Variants in CORIN observed in about 807,000 individuals in gnomAD.
The protein encoded by CORIN is atrial natriuretic peptide-converting enzyme.
CORIN carries 117 observed loss-of-function variants against 125.3 expected under a neutral mutation model. That is an observed-to-expected ratio of 0.93 (90% confidence interval 0.80 to 1.09). The LOEUF is 1.09. CORIN is among the 50% of genes least tolerant of loss of function. CORIN has a pLI of 0.00. For missense variants in CORIN, 1,253 were observed against 1,306.7 expected (o/e 0.96, Z 0.63); for synonymous variants, 450 against 466.4 (o/e 0.96, Z 0.45).
chr4:47,745,367 G>C (rs573561898), intron 4 of CORIN, among the ~76,000 whole-genome samples: 1 of 152,310 alleles, frequency 6.6e-6, no homozygotes, highest in Admixed American at 6.5e-5. Flanking sequence ...ACCCTGGCTG[G>C]TCAATTGCTA....
At chr4:47,784,752 C>T (rs1015727911) in intron 3 of CORIN, among the ~76,000 whole-genome samples, 2 of 152,158 alleles carry the variant, frequency 1.3e-5, no homozygotes, top group African/African-American at 4.8e-5. Flanking sequence ...AAAAATAAAA[C>T]CTCACAATTA....
intron 7 of CORIN, chr4:47,680,934 G>A (rs1188207915): frequency 1.3e-5 from 2 of 152,080 alleles, no homozygotes; most frequent in Non-Finnish European, 2.9e-5. Context: ...CAAAAGAACT[G>A]CTAGGTAAGC....
chr4:47,640,508 C>G (rs1158840071), intron 16 of CORIN, among the ~76,000 whole-genome samples: 2 of 152,132 alleles, frequency 1.3e-5, no homozygotes, highest in South Asian at 4.2e-4. Context: ...GAGTAACTGC[C>G]TAGTGAGTAC....
At chr4:47,742,326 G>A (rs2109833813) in intron 5 of CORIN, among the ~76,000 whole-genome samples, 1 of 151,986 alleles carries the variant, frequency 6.6e-6, no homozygotes, top group African/African-American at 2.4e-5. Flanking sequence ...CAGAATGACT[G>A]AAAAGGAGGA....
intron 19 of CORIN, among the ~76,000 whole-genome samples, chr4:47,621,130 C>G (rs1722293029): frequency 6.6e-6 from 1 of 152,030 alleles, no homozygotes; most frequent in Admixed American, 6.6e-5. Context: ...TCCTCAAGTC[C>G]TTTGATGTGG....
intron 3 of CORIN, among the ~76,000 whole-genome samples, chr4:47,770,693 C>T (rs1417389292): frequency 6.6e-6 from 1 of 151,990 alleles, no homozygotes; most frequent in Non-Finnish European, 1.5e-5. Context: ...ATGATTTGGC[C>T]TTTAAAAAGA....
intron 5 of CORIN, among the ~76,000 whole-genome samples, chr4:47,737,733 T>C (rs1258276009): frequency 6.6e-6 from 1 of 152,180 alleles, no homozygotes; most frequent in Non-Finnish European, 1.5e-5. Context: ...TAGCACCTAG[T>C]GTCAGACATG....
At chr4:47,692,082 A>G (rs563351119) in intron 6 of CORIN, among the ~76,000 whole-genome samples, 1 of 150,320 alleles carries the variant, frequency 6.7e-6, no homozygotes, top group East Asian at 2.0e-4. Flanking sequence ...TGGCAAACAG[A>G]CCAGAAGAAT....
chr4:47,625,526 G>A (rs1267447832), intron 17 of CORIN, among the ~76,000 whole-genome samples: 1 of 152,088 alleles, frequency 6.6e-6, no homozygotes, highest in Non-Finnish European at 1.5e-5. Flanking sequence ...TTGTTTTAGA[G>A]GAAGTACTTC....
intron 1 of CORIN, among the ~76,000 whole-genome samples, chr4:47,833,521 C>CAAAAAAAAAA (rs75657429): frequency 8.7e-6 from 1 of 115,042 alleles, no homozygotes; most frequent in Non-Finnish European, 1.7e-5. Context: ...AAAGCATAGG[C>CAAAAAAAAAA]AAAAAAAAAA....
intron 12 of CORIN, among the ~76,000 whole-genome samples, chr4:47,655,651 G>A (rs757437689): frequency 2.0e-5 from 3 of 152,200 alleles, no homozygotes; most frequent in East Asian, 1.9e-4. Context: ...TGGCTTGGGC[G>A]CCAATACTGC....
At chr4:47,615,195 A>G (rs566828159) in intron 19 of CORIN, among the ~76,000 whole-genome samples, 3 of 152,330 alleles carry the variant, frequency 2.0e-5, no homozygotes, top group Middle Eastern at 3.4e-3. Flanking sequence ...GGGAGACTAG[A>G]AGGAGACACA....
At chr4:47,603,365 C>A in intron 20 of CORIN, 32 bp downstream of exon 20, 1 of 1,600,492 alleles carries the variant, frequency 6.2e-7, no homozygotes, top group African/African-American at 1.3e-5. Context: ...GTGCTTATAG[C>A]AGCATGAGAA....
chr4:47,791,726 T>C (rs950543014), intron 2 of CORIN, among the ~76,000 whole-genome samples: 2 of 152,206 alleles, frequency 1.3e-5, no homozygotes, highest in Admixed American at 6.5e-5. Flanking sequence ...TCAACCATTA[T>C]GTGCTTGCAG....
chr4:47,753,491 T>C (rs1405532990), intron 4 of CORIN, among the ~76,000 whole-genome samples: 1 of 152,050 alleles, frequency 6.6e-6, no homozygotes, highest in Non-Finnish European at 1.5e-5. Flanking sequence ...CGTATTTCAG[T>C]CCTTATCTCA....
intron 4 of CORIN, among the ~76,000 whole-genome samples, chr4:47,747,044 G>C (rs192817392): frequency 1.0e-3 from 156 of 152,202 alleles, no homozygotes; most frequent in African/African-American, 3.7e-3. Flanking sequence ...TAGGCTTGTC[G>C]TTGGTGTTCC....
intron 3 of CORIN, 129 bp from the exon 4 acceptor site, chr4:47,763,715 A>G: frequency 2.9e-6 from 2 of 686,088 alleles, no homozygotes; most frequent in Non-Finnish European, 5.0e-6. Context: ...GCAATCATAC[A>G]CATAGGTGCA....
intron 19 of CORIN, among the ~76,000 whole-genome samples, chr4:47,606,787 T>C (rs1721668180): frequency 6.6e-6 from 1 of 152,120 alleles, no homozygotes; most frequent in African/African-American, 2.4e-5. Context: ...TTTCTCTCGT[T>C]CCTTCCTTTT....
At chr4:47,790,199 A>G (rs1731012013) in intron 2 of CORIN, 1 of 985,056 alleles carries the variant, frequency 1.0e-6, no homozygotes, top group Admixed American at 6.1e-5. Context: ...TAACTGCCAT[A>G]AAGGAAGGAA....
Sources: allele counts gnomAD v4.1 joint callset (sites outside exome capture counted in the v4.1 genomes callset), GRCh38; gene constraint gnomAD v4.1.1; transcripts MANE v1.5; gene names NCBI Gene and HGNC (gene_info 2026-07-23, HGNC 2026-07-21).